Variants in TTC6 observed in about 807,000 individuals in gnomAD.
The protein encoded by TTC6 is tetratricopeptide repeat domain 6, also known as tetratricopeptide repeat protein 6.
TTC6 carries 172 observed loss-of-function variants against 210.4 expected under a neutral mutation model. That is an observed-to-expected ratio of 0.82 (90% CI 0.72 to 0.93). TTC6 has a LOEUF of 0.93. Ranked by LOEUF, TTC6 falls within the 40% of genes least tolerant of loss-of-function variation. The pLI is 0.00. For synonymous variants in TTC6, 804 were observed against 819.6 expected (o/e 0.98, Z 0.32); for missense variants, 2,414 against 2,318.1 (o/e 1.04, Z -0.85).
chr14:37,792,046 G>T (rs866783427), intron 16 of TTC6, among the ~76,000 whole-genome samples: 20 of 152,108 alleles, frequency 1.3e-4, no homozygotes, highest in African/African-American at 1.9e-4. Context: ...TGTTCCTAGC[G>T]CAGACCTTAA....
intron 14 of TTC6, among the ~76,000 whole-genome samples, chr14:37,763,185 G>A (rs1213552989): frequency 3.9e-5 from 6 of 151,922 alleles, no homozygotes; most frequent in South Asian, 2.1e-4. Context: ...ACTGCACCCG[G>A]CCCTGTATCT....
At chr14:37,828,135 A>G (rs2096176604) in intron 29 of TTC6, among the ~76,000 whole-genome samples, 4 of 152,072 alleles carry the variant, frequency 2.6e-5, no homozygotes, top group Non-Finnish European at 4.4e-5. Context: ...TTTGTGTGAC[A>G]CCTTAATCTC....
intron 5 of TTC6, among the ~76,000 whole-genome samples, chr14:37,702,912 A>T (rs2095828280): frequency 6.6e-6 from 1 of 152,104 alleles, no homozygotes; most frequent in Non-Finnish European, 1.5e-5. Flanking sequence ...GGCAAAAAAA[A>T]ATTTTTAGGA....
chr14:37,644,604 A>C (rs2095698256), intron 1 of TTC6, among the ~76,000 whole-genome samples: 1 of 152,250 alleles, frequency 6.6e-6, no homozygotes, highest in African/African-American at 2.4e-5. Flanking sequence ...GGTAGAAGAA[A>C]TAACGAGGTA....
rs55775703 is a variant in TTC6, at chr14:37,651,425, ATTTTTTTTTTTTT to A, written c.939+28438_939+28450del. ...TATATATATATATATATATATATAT[ATTTTTTTTTTTTT>A]TTTTTTTTTTTTTTTCCATCCATGA... On this transcript the variant is annotated intron_variant, in intron 1 of 30. Transcript: ENST00000553443. Among the ~76,000 whole-genome samples, 135 of 23,792 alleles carry A rather than the reference ATTTTTTTTTTTTT, an allele frequency of 5.7e-3. 1 individual carries two copies. Among genetic ancestry groups the A allele is most frequent in the African/African-American group, 9.7e-3 (63 of 6,490 alleles). The allele number at this position is 23,792 out of a possible 152,430, so 15.6% of individuals were successfully genotyped here.
Position 37,733,256 on chromosome 14 carries a change from C to T in TTC6, c.1819-2665C>T, listed in dbSNP as rs529189546. On this transcript the variant is annotated intron_variant, in intron 7 of 30. Transcript: ENST00000553443. ...GCTTTTAAAGTCCAAACTAAATTTT[C>T]ATTTTATGTAATATACCTTAAATTT... Among the ~76,000 whole-genome samples, 386 of 152,176 alleles carry T rather than the reference C, an allele frequency of 2.5e-3. 2 individuals are homozygous for T. Among genetic ancestry groups the T allele is most frequent in the African/African-American group, 8.6e-3 (359 of 41,540 alleles).
At chr14:37,718,720 G>T (rs2095856684) in intron 6 of TTC6, among the ~76,000 whole-genome samples, 3 of 152,148 alleles carry the variant, frequency 2.0e-5, no homozygotes, top group Admixed American at 2.0e-4. Flanking sequence ...TTGAGCCCAA[G>T]AGTTTGAGAC....
intron 20 of TTC6, among the ~76,000 whole-genome samples, chr14:37,799,503 G>C (rs779300089): frequency 1.6e-4 from 24 of 152,130 alleles, no homozygotes; most frequent in Non-Finnish European, 2.9e-4. Flanking sequence ...GTGTGACCTT[G>C]AGTGTGAGTG....
At chr14:37,641,210 T>C (rs149998349) in intron 1 of TTC6, among the ~76,000 whole-genome samples, 243 of 152,354 alleles carry the variant, frequency 1.6e-3, no homozygotes, top group African/African-American at 5.4e-3. Context: ...AAGCTGTTTA[T>C]TTTTTATTAC....
rs143667738 is a variant in TTC6, at chr14:37,638,009, A to T, written c.939+15006A>T. Among the ~76,000 whole-genome samples, 1,067 of 152,332 alleles carry T rather than the reference A, an allele frequency of 7.0e-3. 10 individuals carry two copies. The highest frequency in any genetic ancestry group is 0.02 in the Middle Eastern group (6 of 294). On this transcript the variant is annotated intron_variant, in intron 1 of 30. Transcript: ENST00000553443. Reference sequence around the variant, plus strand: ...ATTTATTGCTCAGAATAGAAAATTTATGCTTGCATGAAAATCTGAGACAAA... The same window carrying T: ...ATTTATTGCTCAGAATAGAAAATTTTTGCTTGCATGAAAATCTGAGACAAA...
intron 25 of TTC6, among the ~76,000 whole-genome samples, chr14:37,813,968 A>G (rs1406186080): frequency 6.6e-6 from 1 of 152,206 alleles, no homozygotes; most frequent in East Asian, 1.9e-4. Context: ...TCTCTCCTGG[A>G]CTACTGTAGT....
intron 6 of TTC6, among the ~76,000 whole-genome samples, chr14:37,724,657 A>C (rs1469390206): frequency 6.6e-6 from 1 of 152,176 alleles, no homozygotes; most frequent in Non-Finnish European, 1.5e-5. Flanking sequence ...ACTCTACTAG[A>C]TATGGCCAAT....
chr14:37,598,757 G>A lies in TTC6; in HGVS notation c.-235+2749G>A, dbSNP rs1277380238. ...CAGGGTTGGCAGACAGCAGGGCCTG[G>A]GCCGGCGGGGCTCTGCGGTGCCCAT... is the stretch of plus-strand genomic sequence containing the variant. On this transcript the variant is annotated intron_variant, in intron 1 of 2. Transcript: ENST00000556845. This position sits in a 1 kb window ranked among gnomAD's most constrained non-coding sequence, Gnocchi z 4.9. 6.6e-6 allele frequency among the ~76,000 whole-genome samples: 1 copy of A among 152,134 alleles called. No individual in the cohort carries two copies. Among genetic ancestry groups the A allele is most frequent in the African/African-American group, 2.4e-5 (1 of 41,442 alleles).
chr14:37,803,521 G>A (rs1309395635), intron 20 of TTC6, among the ~76,000 whole-genome samples: 1 of 152,106 alleles, frequency 6.6e-6, no homozygotes, highest in Non-Finnish European at 1.5e-5. Context: ...GTGAAGACAT[G>A]TTCATTTTAA....
chr14:37,772,034 C>G (rs1198604343), intron 14 of TTC6, among the ~76,000 whole-genome samples: 1 of 152,120 alleles, frequency 6.6e-6, no homozygotes, highest in Non-Finnish European at 1.5e-5. Context: ...ACAGGACCCT[C>G]AGCTGCAGGT....
At chr14:37,749,893 T>G (rs746227653) in intron 12 of TTC6, 50 bp downstream of exon 14, 2 of 1,206,126 alleles carry the variant, frequency 1.7e-6, no homozygotes, top group South Asian at 6.1e-5. Flanking sequence ...GACCTCAGCC[T>G]TTGTCATTTA....
At chr14:37,767,518 T>A (rs553189100) in intron 14 of TTC6, among the ~76,000 whole-genome samples, 30 of 152,322 alleles carry the variant, frequency 2.0e-4, no homozygotes, top group African/African-American at 7.0e-4. Context: ...GGTATCTCAT[T>A]GTGGTTTTGA....
chr14:37,601,704 C>T (rs2095615944), intron 1 of TTC6, among the ~76,000 whole-genome samples: 1 of 152,146 alleles, frequency 6.6e-6, no homozygotes, highest in Non-Finnish European at 1.5e-5. Context: ...TCATCAATGC[C>T]TGATTTTAAG....
rs528484153 is a variant in TTC6, at chr14:37,711,699, G to A, written c.1572-2956G>A. On this transcript the variant is annotated intron_variant, in intron 5 of 30. Transcript: ENST00000553443. ...GGAGCTTGGGTTGTATATACTGTGT[G>A]TGTAGTCAGTGAGATGTTTGCAGAG... 3.7e-4 allele frequency among the ~76,000 whole-genome samples: 57 copies of A among 152,256 alleles called. No individual in the cohort carries two copies. In the South Asian group the frequency reaches 0.011, roughly 30 times the overall value.
Sources: gnomAD v4.1 joint callset for allele counts (sites outside exome capture counted in the v4.1 genomes callset) on GRCh38, gnomAD v4.1.1 for gene constraint, Gnocchi (gnomAD v3.1) non-coding constraint, MANE v1.5 for transcripts, NCBI Gene and HGNC (gene_info 2026-07-23, HGNC 2026-07-21) for gene names.